Variants in CSMD1 observed in about 807,000 individuals in gnomAD.
CSMD1 encodes the protein CUB and sushi domain-containing protein 1.
A neutral mutation model predicts 417.5 loss-of-function variants in CSMD1; 213 were observed. The observed-to-expected ratio is 0.51, with a 90% CI of 0.46 to 0.57. The LOEUF is 0.57. CSMD1 is among the 20% of genes least tolerant of loss of function. CSMD1 has a pLI of 0.00. For synonymous variants in CSMD1, 2,862 were observed against 1,736.8 expected (o/e 1.65, Z -16.11); for missense variants, 6,923 against 4,529.7 (o/e 1.53, Z -15.17).
chr8:3,793,528 A>C, intron 5 of CSMD1, among the ~76,000 whole-genome samples: 1 of 141,618 alleles, frequency 7.1e-6, no homozygotes, highest in Admixed American at 7.2e-5. Context: ...TCTGGATTCG[A>C]TCTCTGGGCT....
chr8:4,720,833 A>G (rs2116907857), intron 1 of CSMD1, among the ~76,000 whole-genome samples: 1 of 152,286 alleles, frequency 6.6e-6, no homozygotes, highest in East Asian at 1.9e-4. Context: ...AGGAACACAG[A>G]AGGAAAGTCT....
intron 5 of CSMD1, among the ~76,000 whole-genome samples, chr8:3,780,731 C>T (rs988156945): frequency 9.9e-5 from 15 of 152,178 alleles, no homozygotes; most frequent in African/African-American, 3.6e-4. Context: ...ATGCTTTCCA[C>T]ATAAAGCCCA....
chr8:3,768,321 C>G (rs995113144), intron 5 of CSMD1, among the ~76,000 whole-genome samples: 1 of 152,148 alleles, frequency 6.6e-6, no homozygotes, highest in Non-Finnish European at 1.5e-5. Flanking sequence ...AGTGAATAAT[C>G]CAACCTAACT....
intron 2 of CSMD1, among the ~76,000 whole-genome samples, chr8:4,606,421 G>T (rs959007552): frequency 6.6e-6 from 1 of 152,070 alleles, no homozygotes; most frequent in Non-Finnish European, 1.5e-5. Flanking sequence ...GGCTCCCTGG[G>T]CTCACAGTGC....
At position 4,041,035 on chromosome 8, in the gene CSMD1, G is replaced by A. The variant is rs370538702; in HGVS notation, c.416-8936C>T. On this transcript the variant is annotated intron_variant, in intron 3 of 69. Transcript: ENST00000635120. ...TTTTTTCCTTTTTTTTTTTTTTTTT[G>A]AGACGGAGTCTCGCTCTGTCGCCCA... Among the ~76,000 whole-genome samples, 21 of 33,114 alleles carry A rather than the reference G, an allele frequency of 6.3e-4. No individual in the cohort carries two copies. In the East Asian group the frequency reaches 0.012, roughly 20 times the overall value. 21.7% of individuals were successfully genotyped at this position (33,114 alleles called of 152,430 possible). A position where few individuals can be genotyped will look rare whatever the true frequency, so the allele number is the denominator to read the frequency against.
intron 6 of CSMD1, among the ~76,000 whole-genome samples, chr8:3,732,961 A>C (rs561283818): frequency 2.0e-5 from 3 of 152,014 alleles, no homozygotes; most frequent in Non-Finnish European, 4.4e-5. Flanking sequence ...CTACTTACCT[A>C]CCTACCTATC....
intron 3 of CSMD1, among the ~76,000 whole-genome samples, chr8:4,076,504 A>C (rs897926392): frequency 6.6e-6 from 1 of 152,230 alleles, no homozygotes; most frequent in Non-Finnish European, 1.5e-5. Context: ...CTAGAAATGT[A>C]AGTATATATG....
At chr8:3,831,018 T>A (rs1321317585) in intron 5 of CSMD1, among the ~76,000 whole-genome samples, 2 of 152,162 alleles carry the variant, frequency 1.3e-5, no homozygotes, top group Non-Finnish European at 2.9e-5. Context: ...GCTTGTTGGC[T>A]CTGAAGGCAG....
chr8:3,429,862 C>A (rs953622816), intron 12 of CSMD1, among the ~76,000 whole-genome samples: 17 of 152,158 alleles, frequency 1.1e-4, no homozygotes, highest in African/African-American at 3.9e-4. Flanking sequence ...ACAGCCAGCA[C>A]TACTGAGTTT....
chr8:4,562,725 G>A (rs1798402457), intron 2 of CSMD1, among the ~76,000 whole-genome samples: 2 of 152,052 alleles, frequency 1.3e-5, no homozygotes, highest in Admixed American at 1.3e-4. Context: ...ATCCTACACT[G>A]ACCTTCAGAC....
chr8:4,068,701 C>T (rs987131087), intron 3 of CSMD1, among the ~76,000 whole-genome samples: 4 of 152,124 alleles, frequency 2.6e-5, no homozygotes, highest in African/African-American at 4.8e-5. Flanking sequence ...TTCAAGATAT[C>T]TAGTGGGGAA....
At chr8:4,744,754 G>C (rs2117021214) in intron 1 of CSMD1, among the ~76,000 whole-genome samples, 1 of 152,150 alleles carries the variant, frequency 6.6e-6, no homozygotes, top group East Asian at 1.9e-4. Context: ...TATGAAGCTA[G>C]GGTTCTTGTT....
chr8:4,796,582 G>A (rs1797995004), intron 1 of CSMD1, among the ~76,000 whole-genome samples: 2 of 151,672 alleles, frequency 1.3e-5, no homozygotes, highest in African/African-American at 2.4e-5. Flanking sequence ...CACTGTGGGA[G>A]GCTGCAGACC....
intron 3 of CSMD1, among the ~76,000 whole-genome samples, chr8:4,109,553 C>G (rs1397257108): frequency 6.6e-6 from 1 of 152,082 alleles, no homozygotes; most frequent in African/African-American, 2.4e-5. Flanking sequence ...GCAAAATTGA[C>G]CATCATTTCC....
intron 5 of CSMD1, among the ~76,000 whole-genome samples, chr8:3,810,865 A>C (rs769265509): frequency 2.4e-4 from 36 of 152,148 alleles, no homozygotes; most frequent in Non-Finnish European, 5.0e-4. Flanking sequence ...GCTCCTGTTC[A>C]GCTTTAAACG....
At chr8:4,344,777 G>A (rs898780086) in intron 3 of CSMD1, among the ~76,000 whole-genome samples, 3 of 152,084 alleles carry the variant, frequency 2.0e-5, no homozygotes, top group Admixed American at 1.3e-4. Flanking sequence ...ATAAAAACAT[G>A]TTTACCAGCA....
rs545270300 is a variant in CSMD1, at chr8:4,373,285, G to C, written c.415+46668C>G. Among the ~76,000 whole-genome samples the C allele has an allele frequency of 3.2e-4, 48 of 152,114 alleles. 1 individual carries two copies. Among genetic ancestry groups the C allele is most frequent in the Non-Finnish European group, 5.7e-4 (39 of 68,000 alleles). ...ATAAGTAAATGTCAAGTGTGATCCA[G>C]GGACAGAAAGGGAACATTAGGTAAT... On this transcript the variant is annotated intron_variant, in intron 3 of 69. Transcript: ENST00000635120.
rs1476236751 is a variant in CSMD1, at chr8:4,140,611, T to TGA, written c.416-108514_416-108513dup. On this transcript the variant is annotated intron_variant, in intron 3 of 69. Transcript: ENST00000635120. ...TGAACCCAAGAGGTCAAGGCTGCAGTGAGCCATGATTGCGCCACTGCACTC... is the reference window on the plus strand; with the variant it reads ...TGAACCCAAGAGGTCAAGGCTGCAGTGAGAGCCATGATTGCGCCACTGCACTC... Among the ~76,000 whole-genome samples the TGA allele has an allele frequency of 1.3e-5, 2 of 150,924 alleles. 1 individual carries two copies. Among genetic ancestry groups the TGA allele is most frequent in the African/African-American group, 5.0e-5 (2 of 40,244 alleles).
intron 7 of CSMD1, among the ~76,000 whole-genome samples, chr8:3,654,774 G>A (rs1447620891): frequency 6.6e-6 from 1 of 152,116 alleles, no homozygotes; most frequent in Non-Finnish European, 1.5e-5. Context: ...GTAGGACTGG[G>A]TGCTCCCACT....
Sources: allele counts gnomAD v4.1 joint callset (sites outside exome capture counted in the v4.1 genomes callset), GRCh38; gene constraint gnomAD v4.1.1; transcripts MANE v1.5; gene names NCBI Gene and HGNC (gene_info 2026-07-23, HGNC 2026-07-21).